The following EBF3 variants were observed in gnomAD, a reference collection of about 807,000 sequenced individuals.
EBF3 encodes the protein EBF transcription factor 3, also known as transcription factor COE3.
Under a neutral mutation model 77.1 loss-of-function variants are expected in EBF3, and 18 were observed. The observed-to-expected ratio is 0.23, with a 90% CI of 0.16 to 0.35. The LOEUF (loss-of-function observed/expected upper bound fraction) is 0.35. EBF3 is among the 10% of genes least tolerant of loss of function. The pLI is 1.00. For missense variants in EBF3, 558 were observed against 860.0 expected (o/e 0.65, Z 4.39); for synonymous variants, 350 against 343.5 (o/e 1.02, Z -0.21).
rs111399553 is a variant in EBF3 at position 129,935,651 on chromosome 10, G to A, written c.554+21607C>T. On this transcript the variant is annotated intron_variant, in intron 6 of 16. Transcript: ENST00000440978. The surrounding 1 kb of genome is among the most constrained non-coding windows in gnomAD (Gnocchi z 4.2). ...TGCTCATCCAGAGCCCAGAGCCTGG[G>A]CGTCCAGGGCACAGACAGCTCTCAG... 6.6e-6 allele frequency among the ~76,000 whole-genome samples: 1 copy of A among 152,230 alleles called. No individual in the cohort carries two copies. The highest frequency in any genetic ancestry group is 2.4e-5 in the African/African-American group (1 of 41,466).
At chr10:129,873,649 C>G in intron 7 of EBF3, 53 bp from the exon 8 acceptor site, 3 of 1,436,750 alleles carry the variant, frequency 2.1e-6, no homozygotes, top group Non-Finnish European at 1.8e-6. Flanking sequence ...AAGCAGAGCC[C>G]CCTGTTAGGC....
chr10:129,867,165 C>A lies in EBF3; in HGVS notation c.1015G>T (p.Ala339Ser). ...SYKSKQFCKG[A>S]PGRFVYTALN... ...CCGGTGTAGACAAAGCGCCCAGGAG[C>A]ACCTTTGCAGAACTGCTTGGATTTG... Residue 339 changes from alanine (A) to serine (S), a missense_variant, in exon 10 of 17, where the codon GCT becomes TCT. Physicochemically the swap from Ala to Ser is moderately conservative, Grantham distance 99 (BLOSUM62 1). Transcript: ENST00000440978. 1 of 1,613,974 alleles carries A rather than the reference C, an allele frequency of 6.2e-7. No homozygotes were observed. Among genetic ancestry groups the A allele is most frequent in the Non-Finnish European group, 8.5e-7 (1 of 1,179,982 alleles).
intron 6 of EBF3, among the ~76,000 whole-genome samples, chr10:129,939,684 G>C (rs1483129871): frequency 6.6e-6 from 1 of 152,136 alleles, no homozygotes; most frequent in East Asian, 1.9e-4. Context: ...TCGTCAGACT[G>C]GACACTCTTC....
At chr10:129,941,345 C>T (rs72837188) in intron 6 of EBF3, among the ~76,000 whole-genome samples, 5 of 152,328 alleles carry the variant, frequency 3.3e-5, no homozygotes, top group Non-Finnish European at 4.4e-5. Context: ...CAGGTGGACA[C>T]GTGACAGGGA....
chr10:129,842,397 G>A lies in EBF3; in HGVS notation c.1195-104C>T. ...GTGGCATCCCACTGTCCCTTGCCCA[G>A]ACCATGACCAAATCTATTTCTTAAT... On this transcript the variant is annotated intron_variant, in intron 12 of 16. Transcript: ENST00000440978. The surrounding 1 kb of genome is among the most constrained non-coding windows in gnomAD (Gnocchi z 4.4). 3 of 1,300,174 alleles carry A rather than the reference G, an allele frequency of 2.3e-6. No homozygotes were observed. The highest frequency in any genetic ancestry group is 3.1e-6 in the Non-Finnish European group (3 of 961,158). The allele number at this position is 1,300,174 out of a possible 1,614,324, so 80.5% of individuals were successfully genotyped here.
Position 129,903,776 on chromosome 10 carries a change from G to A in EBF3, c.555-25927C>T, listed in dbSNP as rs552423389. ...CTGTCATGGGGAGTCCATGACCCCAGGCAGTCATTTGGTGGAATTTTAATT... is the reference window on the plus strand; with the variant it reads ...CTGTCATGGGGAGTCCATGACCCCAAGCAGTCATTTGGTGGAATTTTAATT... On this transcript the variant is annotated intron_variant, in intron 6 of 16. Coordinates refer to ENST00000440978, the MANE Select transcript of EBF3 (RefSeq NM_001375380.1). Among the ~76,000 whole-genome samples the A allele has an allele frequency of 1.6e-4, 25 of 152,236 alleles. No individual in the cohort carries two copies. In the East Asian group the frequency reaches 1.9e-3, roughly 12 times the overall value.
intron 6 of EBF3, among the ~76,000 whole-genome samples, chr10:129,946,183 G>T (rs1010510838): frequency 1.3e-5 from 2 of 152,158 alleles, no homozygotes; most frequent in African/African-American, 4.8e-5. Flanking sequence ...CTGGGCCCTC[G>T]GTCCTGGCCT....
intron 11 of EBF3, among the ~76,000 whole-genome samples, chr10:129,844,224 G>C (rs1302572434): frequency 6.6e-6 from 1 of 151,886 alleles, no homozygotes; most frequent in South Asian, 2.1e-4. Flanking sequence ...CGGTCTAGGA[G>C]AGCTCTGCTG....
rs879646958 is a variant in EBF3, at chr10:129,836,941, AC to A, written c.*1001del. The A allele has an allele frequency of 2.0e-5, 3 of 152,666 alleles. No homozygotes were observed. Among genetic ancestry groups the A allele is most frequent in the Non-Finnish European group, 4.4e-5 (3 of 68,044 alleles). 9.5% of individuals were successfully genotyped at this position (152,666 alleles called of 1,614,324 possible). On this transcript the variant is annotated 3_prime_UTR_variant, in exon 17 of 17. Transcript: ENST00000440978. ...CCTTATAAGACACATAAGGAATAAAACTTGTTTTTCTAAATATTTTAAGTGG... is the reference window on the plus strand; with the variant it reads ...CCTTATAAGACACATAAGGAATAAAATTGTTTTTCTAAATATTTTAAGTGG...
rs944425206 is a variant in EBF3, at chr10:129,943,824, T to C, written c.554+13434A>G. 6.6e-6 allele frequency among the ~76,000 whole-genome samples: 1 copy of C among 152,238 alleles called. No individual in the cohort carries two copies. The highest frequency in any genetic ancestry group is 1.5e-5 in the Non-Finnish European group (1 of 68,044). On this transcript the variant is annotated intron_variant, in intron 6 of 16. Coordinates refer to ENST00000440978, the MANE Select transcript of EBF3 (RefSeq NM_001375380.1). The surrounding 1 kb of genome is among the most constrained non-coding windows in gnomAD (Gnocchi z 8.8). ...GCTTGATCCTTTTGAGCAGTTTTTT[T>C]CTGTGCTGAGCTCTCTGGAACCATA...
intron 6 of EBF3, among the ~76,000 whole-genome samples, chr10:129,950,035 G>C (rs1301708638): frequency 6.7e-6 from 1 of 148,716 alleles, no homozygotes; most frequent in Non-Finnish European, 1.5e-5. Context: ...GGAGGAGGGA[G>C]GGGAGGGGGG....
Position 129,837,839 on chromosome 10 carries a change from T to C in EBF3, c.*104A>G, listed in dbSNP as rs553045434. The C allele has an allele frequency of 2.3e-5, 34 of 1,474,962 alleles. No homozygotes were observed. In the Admixed American group the frequency reaches 4.6e-4, roughly 20 times the overall value. 91.4% of individuals were successfully genotyped at this position (1,474,962 alleles called of 1,614,324 possible). Reference sequence around the variant, plus strand: ...TTGCTGCTGATTTTTTTGAAGATACTGTTTCCATCAGCATGTCTTAATATA... The same window carrying C: ...TTGCTGCTGATTTTTTTGAAGATACCGTTTCCATCAGCATGTCTTAATATA... On this transcript the variant is annotated 3_prime_UTR_variant, in exon 17 of 17. Transcript: ENST00000440978.
At chr10:129,845,723 A>G (rs1850404648) in intron 11 of EBF3, 1 of 150,876 alleles carries the variant, frequency 6.6e-6, no homozygotes, top group Admixed American at 6.7e-5. Context: ...TAATTGCTCA[A>G]CATGACCGCA....
chr10:129,961,193 GCATC>G (rs1859490385), intron 4 of EBF3, among the ~76,000 whole-genome samples: 1 of 152,240 alleles, frequency 6.6e-6, no homozygotes, highest in Non-Finnish European at 1.5e-5. Context: ...CTTAAAGTTA[GCATC>G]AAAACCGAAG....
In EBF3 at chr10:129,879,430, A is replaced by G. The variant is rs1017372640; in HGVS notation, c.555-1581T>C. ...TTACGTTCAAGGTTCCTCGCTGGCA[A>G]TTAGAATATCAGAAAATGAAAACAC... is the stretch of plus-strand genomic sequence containing the variant. On this transcript the variant is annotated intron_variant, in intron 6 of 16. Coordinates refer to ENST00000440978, the MANE Select transcript of EBF3 (RefSeq NM_001375380.1). This position sits in a 1 kb window ranked among gnomAD's most constrained non-coding sequence, Gnocchi z 4.7. Among the ~76,000 whole-genome samples, 1 of 152,196 alleles carries G rather than the reference A, an allele frequency of 6.6e-6. No individual in the cohort carries two copies. The highest frequency in any genetic ancestry group is 2.4e-5 in the African/African-American group (1 of 41,436).
intron 6 of EBF3, among the ~76,000 whole-genome samples, chr10:129,950,691 A>G (rs1858612198): frequency 6.6e-6 from 1 of 152,234 alleles, no homozygotes; most frequent in African/African-American, 2.4e-5. Flanking sequence ...ATTTTTCTAA[A>G]TGATAGCCAT....
At chr10:129,909,875 A>C (rs886480517) in intron 6 of EBF3, among the ~76,000 whole-genome samples, 2 of 151,938 alleles carry the variant, frequency 1.3e-5, no homozygotes, top group African/African-American at 4.8e-5. Flanking sequence ...GGAAACAATT[A>C]CTCCTGGAAG....
At chr10:129,893,397 T>C (rs998129450) in intron 6 of EBF3, among the ~76,000 whole-genome samples, 5 of 152,204 alleles carry the variant, frequency 3.3e-5, no homozygotes, top group Non-Finnish European at 7.3e-5. Context: ...ACTCCCTCCA[T>C]TTAATATGCA....
At position 129,962,191 on chromosome 10, in the gene EBF3, T is replaced by C. The variant is rs769721722; in HGVS notation, c.391A>G (p.Ile131Val). 19 of 1,614,048 alleles carry C rather than the reference T, an allele frequency of 1.2e-5. 1 individual carries two copies. In the South Asian group the frequency reaches 2.0e-4, roughly 17 times the overall value. ...RTEQDLYVRL[I>V]DSMTKQAIVY... ...CTCACCTGTTTGGTCATTGAATCTATGAGGCGAACATACAGATCTTGCTCT... is the reference window on the plus strand; with the variant it reads ...CTCACCTGTTTGGTCATTGAATCTACGAGGCGAACATACAGATCTTGCTCT... The change falls in exon 4 of 17, where the codon ATA becomes GTA. Residue 131 changes from isoleucine to valine, a missense_variant. By Grantham distance (29) the Ile-to-Val change is conservative. This residue lies in a region of EBF3 where 84 missense variants were observed against 142.3 expected (regional missense o/e 0.59). Transcript: ENST00000440978.
Sources: allele counts gnomAD v4.1 joint callset (sites outside exome capture counted in the v4.1 genomes callset), GRCh38; gene constraint gnomAD v4.1.1; regional missense constraint gnomAD v4.1.1; non-coding constraint Gnocchi (gnomAD v3.1); transcripts MANE v1.5; gene names NCBI Gene and HGNC (gene_info 2026-07-23, HGNC 2026-07-21).